PTH2R: variants seen among roughly 807,000 people sequenced by gnomAD.
PTH2R encodes the protein PTH2 receptor.
In PTH2R, 59 loss-of-function variants were observed where a neutral mutation model predicts 60.3. That is an observed-to-expected ratio of 0.98 (90% CI 0.79 to 1.22). PTH2R has a LOEUF of 1.22. Among genes scored for constraint, PTH2R ranks in the 50% most tolerant of loss-of-function variants. The probability of loss-of-function intolerance (pLI) is 0.00; values close to 1 mark genes in which losing one functional copy is unlikely to be tolerated. For synonymous variants in PTH2R, 256 were observed against 243.8 expected, an observed-to-expected ratio of 1.05 and a Z score of -0.47; for missense variants, 749 against 682.6, an observed-to-expected ratio of 1.10 and a Z score of -1.08.
At chr2:208,377,391 C>A (rs2125873814) in intron 1 of PTH2R, among the ~76,000 whole-genome samples, 1 of 152,230 alleles carries the variant, frequency 6.6e-6, no homozygotes, top group East Asian at 1.9e-4. Flanking sequence ...GTTGGGTACA[C>A]CTCCCAGACG....
At chr2:208,368,866 A>G (rs1382271788) in intron 1 of PTH2R, among the ~76,000 whole-genome samples, 1 of 152,210 alleles carries the variant, frequency 6.6e-6, no homozygotes, top group Non-Finnish European at 1.5e-5. Context: ...ATTGAAAATA[A>G]ATACAGTACT....
chr2:208,493,578 T>G lies in PTH2R; in HGVS notation c.1572T>G (p.Ile524Met). ...KEDSGRQGDD[I>M]LMEKPSRPME... is the part of the protein sequence containing the mutation. The stretch of plus-strand genomic sequence containing the variant: ...ATAGTGGGAGGCAGGGAGATGATAT[T>G]CTAATGGAGAAGCCTTCCAGGCCTA... The change falls in exon 13 of 13, where the codon ATT (isoleucine) becomes ATG (methionine). Residue 524 changes from isoleucine to methionine, a missense_variant. By Grantham distance (10) the Ile-to-Met change is conservative. Transcript: ENST00000272847. 3 of 1,612,678 alleles carry G rather than the reference T, an allele frequency of 1.9e-6. No homozygotes were observed. In the Middle Eastern group the frequency reaches 5.0e-4, roughly 267 times the overall value.
Position 208,489,159 on chromosome 2 carries a change from T to C in PTH2R, c.1215+9T>C, listed in dbSNP as rs746069238. Reference sequence around the variant, plus strand: ...TCTTCAACTCCTTTCAGGTAAAGGGTGCTGCCTAGTCATCTGATTCTTGTA... The same window carrying C: ...TCTTCAACTCCTTTCAGGTAAAGGGCGCTGCCTAGTCATCTGATTCTTGTA... On this transcript the variant is annotated intron_variant, in intron 11 of 12. Coordinates refer to ENST00000272847, the MANE Select transcript of PTH2R (RefSeq NM_005048.4). 2.5e-6 allele frequency: 4 copies of C among 1,613,750 alleles called. No homozygotes were observed. The South Asian group carries it at 4.4e-5, about 18-fold the overall frequency.
At chr2:208,382,977 C>T (rs576078783) in intron 1 of PTH2R, among the ~76,000 whole-genome samples, 3 of 152,362 alleles carry the variant, frequency 2.0e-5, no homozygotes, top group Admixed American at 1.3e-4. Context: ...GGGGGTCTGA[C>T]ATCATTTGCA....
Position 208,360,239 on chromosome 2 carries a change from T to C in PTH2R, c.-259+2T>C, listed in dbSNP as rs935147702. ...AAAAGGCACAGGTTCCTTGAACAGG[T>C]AAGAAGAGCGCCCCACTTGTTCTCC... is the stretch of plus-strand genomic sequence containing the variant. On this transcript the variant is annotated splice_donor_variant, in intron 1 of 12. Coordinates refer to the PTH2R transcript ENST00000617735. LOFTEE classifies it low-confidence loss of function (5UTR_SPLICE). 2.2e-6 allele frequency: 1 copy of C among 447,216 alleles called. No individual in the cohort carries two copies. Among genetic ancestry groups the C allele is most frequent in the African/African-American group, 2.0e-5 (1 of 49,452 alleles). The allele number at this position is 447,216 out of a possible 1,614,324, so 27.7% of individuals were successfully genotyped here.
intron 1 of PTH2R, among the ~76,000 whole-genome samples, chr2:208,421,335 C>G (rs948278650): frequency 1.3e-5 from 2 of 151,498 alleles, no homozygotes; most frequent in African/African-American, 4.9e-5. Flanking sequence ...GGATTAAAAA[C>G]TTAAGAAGCC....
In PTH2R at chr2:208,490,700, G is replaced by A; in HGVS notation, c.1257+20G>A. ...GGAGAGGTAGGTTTGTAGGAACCTT[G>A]GACAGGTCTCGCTTCAGCTTGTAAA... On this transcript the variant is annotated intron_variant, in intron 12 of 12. Coordinates refer to ENST00000272847, the MANE Select transcript of PTH2R (RefSeq NM_005048.4). 1 of 1,599,686 alleles carries A rather than the reference G, an allele frequency of 6.3e-7. No homozygotes were observed. Among genetic ancestry groups the A allele is most frequent in the Non-Finnish European group, 8.5e-7 (1 of 1,175,550 alleles).
rs368441991 is a variant in PTH2R, at chr2:208,459,870, T to C, written c.915-25T>C. 1.7e-5 allele frequency: 27 copies of C among 1,609,988 alleles called. No individual in the cohort carries two copies. The African/African-American group carries it at 3.5e-4, about 21-fold the overall frequency. ...CCCATTTGCTTTGCCAATTTATTCA[T>C]GACAGCTTTTTTTCAATGTCTCAGG... On this transcript the variant is annotated intron_variant, in intron 8 of 12. Coordinates refer to ENST00000272847, the MANE Select transcript of PTH2R (RefSeq NM_005048.4).
At chr2:208,477,582 C>G (rs1703035140) in intron 9 of PTH2R, among the ~76,000 whole-genome samples, 2 of 151,658 alleles carry the variant, frequency 1.3e-5, no homozygotes, top group African/African-American at 4.9e-5. Flanking sequence ...AAAAAAAAAC[C>G]CCTCTACCCC....
intron 1 of PTH2R, among the ~76,000 whole-genome samples, chr2:208,412,577 C>A (rs1002012440): frequency 1.3e-5 from 2 of 152,158 alleles, no homozygotes; most frequent in African/African-American, 4.8e-5. Flanking sequence ...CATAGAATAG[C>A]CTTGAAAGGC....
intron 1 of PTH2R, among the ~76,000 whole-genome samples, chr2:208,363,707 A>C (rs1700524675): frequency 1.3e-5 from 2 of 152,134 alleles, no homozygotes; most frequent in Admixed American, 1.3e-4. Context: ...AATGATAGCC[A>C]TTCTGACTCA....
intron 10 of PTH2R, among the ~76,000 whole-genome samples, chr2:208,483,548 A>G (rs967522895): frequency 6.6e-6 from 1 of 152,198 alleles, no homozygotes; most frequent in African/African-American, 2.4e-5. Flanking sequence ...TGGATAGAAT[A>G]GACAATATTT....
chr2:208,427,128 A>C (rs1701871568), intron 1 of PTH2R, among the ~76,000 whole-genome samples: 1 of 152,254 alleles, frequency 6.6e-6, no homozygotes, highest in Non-Finnish European at 1.5e-5. Context: ...ATTTCTCTGA[A>C]TCAAATGTAT....
At chr2:208,441,823 G>A (rs1054722835) in intron 4 of PTH2R, among the ~76,000 whole-genome samples, 1 of 152,122 alleles carries the variant, frequency 6.6e-6, no homozygotes, top group African/African-American at 2.4e-5. Flanking sequence ...TAAATTTCTG[G>A]TTTTGATATT....
intron 6 of PTH2R, 36 bp downstream of exon 6, chr2:208,443,573 T>G (rs760698479): frequency 2.6e-6 from 4 of 1,515,994 alleles, no homozygotes; most frequent in Non-Finnish European, 3.6e-6. Flanking sequence ...ATTACTAATT[T>G]GTATAACACT....
At chr2:208,447,062 C>G (rs1702300576) in intron 7 of PTH2R, among the ~76,000 whole-genome samples, 1 of 152,116 alleles carries the variant, frequency 6.6e-6, no homozygotes, top group South Asian at 2.1e-4. Context: ...CTCTGTTAGT[C>G]ACATTGTAGT....
intron 2 of PTH2R, among the ~76,000 whole-genome samples, chr2:208,430,546 CTTTTT>C (rs760898660): frequency 8.5e-6 from 1 of 118,220 alleles, no homozygotes; most frequent in Non-Finnish European, 1.8e-5. Flanking sequence ...TGTCTGGCTT[CTTTTT>C]TTTTTTTTTT....
At chr2:208,407,596 A>G (rs528996309) in intron 1 of PTH2R, among the ~76,000 whole-genome samples, 1 of 152,370 alleles carries the variant, frequency 6.6e-6, no homozygotes, top group East Asian at 1.9e-4. Context: ...ACATACATTC[A>G]AGTTAGGAGA....
At chr2:208,374,785 C>T (rs1700764055) in intron 1 of PTH2R, among the ~76,000 whole-genome samples, 1 of 152,080 alleles carries the variant, frequency 6.6e-6, no homozygotes, top group South Asian at 2.1e-4. Flanking sequence ...GGATTACAAG[C>T]GTGAGCCACC....
Sources: gnomAD v4.1 joint callset for allele counts (sites outside exome capture counted in the v4.1 genomes callset) on GRCh38, gnomAD v4.1.1 for gene constraint, MANE v1.5 for transcripts, NCBI Gene and HGNC (gene_info 2026-07-23, HGNC 2026-07-21) for gene names.